Variants in PGAP4 observed in about 807,000 individuals in gnomAD.
PGAP4 encodes the protein GPI-N-acetylgalactosamine transferase PGAP4.
A neutral mutation model predicts 28.2 loss-of-function variants in PGAP4; 12 were observed. The ratio of observed to expected loss-of-function variants is 0.42; its 90% CI spans 0.27 to 0.69. PGAP4 has a LOEUF of 0.69. Ranked by LOEUF, PGAP4 falls within the 30% of genes least tolerant of loss-of-function variation. PGAP4 has a pLI of 0.22. For synonymous variants in PGAP4, 205 were observed against 211.8 expected (o/e 0.97, Z 0.28); for missense variants, 425 against 513.5 (o/e 0.83, Z 1.67).
chr9:101,491,936 G>A (rs1387509749), upstream of PGAP4, among the ~76,000 whole-genome samples: 1 of 149,694 alleles, frequency 6.7e-6, no homozygotes, highest in African/African-American at 2.5e-5. Context: ...AAAAGATGAT[G>A]CATTCTGCAA....
At position 101,476,273 on chromosome 9, in the gene PGAP4, GCCC is replaced by G. The variant is rs759069394; in HGVS notation, c.817_819del (p.Gly273del). 6.2e-7 allele frequency: 1 copy of G among 1,613,980 alleles called. No individual in the cohort carries two copies. The highest frequency in any genetic ancestry group is 1.3e-5 in the African/African-American group (1 of 74,900). ...CTCATGTATATCCAGGTTAGTAAGG[GCCC>G]CAGCAACATGCCTACACCAACCCAT... On this transcript the variant is annotated inframe_deletion, in exon 2 of 2. Transcript: ENST00000374848. The surrounding 1 kb of genome is among the most constrained non-coding windows in gnomAD (Gnocchi z 7.0).
At chr9:101,521,493 G>A (rs967798277) in intron 2 of PGAP4, among the ~76,000 whole-genome samples, 2 of 152,044 alleles carry the variant, frequency 1.3e-5, no homozygotes, top group Non-Finnish European at 2.9e-5. Flanking sequence ...TCCAGTTTAT[G>A]TGCATAAAGG....
At chr9:101,497,598 A>T (rs1826762754) in intron 2 of PGAP4, among the ~76,000 whole-genome samples, 1 of 151,692 alleles carries the variant, frequency 6.6e-6, no homozygotes, top group Non-Finnish European at 1.5e-5. Flanking sequence ...TATAAGAAAA[A>T]ATATAAAGTT....
intron 2 of PGAP4, among the ~76,000 whole-genome samples, chr9:101,493,689 T>C (rs1826711589): frequency 6.6e-6 from 1 of 152,188 alleles, no homozygotes; most frequent in Non-Finnish European, 1.5e-5. Context: ...GTTTACAGCA[T>C]GAAAACATTA....
upstream of PGAP4, among the ~76,000 whole-genome samples, chr9:101,491,918 T>A (rs1163847975): frequency 6.7e-6 from 1 of 149,614 alleles, no homozygotes; most frequent in Non-Finnish European, 1.5e-5. Context: ...ATATTTCATA[T>A]GCACTTAAAA....
At chr9:101,482,468 C>G (rs138028079) in intron 1 of PGAP4, among the ~76,000 whole-genome samples, 57 of 152,264 alleles carry the variant, frequency 3.7e-4, no homozygotes, top group African/African-American at 1.3e-3. Flanking sequence ...CTATGATAGC[C>G]CTTTGTCAGG....
At chr9:101,524,870 G>C (rs974173023) in intron 2 of PGAP4, among the ~76,000 whole-genome samples, 1 of 152,176 alleles carries the variant, frequency 6.6e-6, no homozygotes, top group Non-Finnish European at 1.5e-5. Context: ...GAGGGTCTGT[G>C]GGTCCTCTCG....
At chr9:101,522,013 G>T (rs1358279006) in intron 2 of PGAP4, among the ~76,000 whole-genome samples, 2 of 152,028 alleles carry the variant, frequency 1.3e-5, no homozygotes, top group Non-Finnish European at 2.9e-5. Context: ...CCATGTATTT[G>T]CATTGTTTCA....
intron 2 of PGAP4, among the ~76,000 whole-genome samples, chr9:101,510,220 G>T (rs896109265): frequency 6.6e-6 from 1 of 152,078 alleles, no homozygotes; most frequent in Non-Finnish European, 1.5e-5. Flanking sequence ...CTGTCCTAAA[G>T]ATCATGATAT....
rs779898081 is a variant in PGAP4, at chr9:101,476,243, C to T, written c.850G>A (p.Ala284Thr). Residue 284 changes from alanine (A) to threonine (T), a missense_variant, in exon 2 of 2, where the codon GCC (alanine) becomes ACC (threonine). Transcript: ENST00000374848. The surrounding 1 kb of genome is among the most constrained non-coding windows in gnomAD (Gnocchi z 7.0). ...GGCCAGCTAAACCCTGGGCGGCTGG[C>T]AAACCTCATGTATATCCAGGTTAGT... ...PLLTWIYMRF[A>T]SRPGFSWPVM... 1 of 1,614,120 alleles carries T rather than the reference C, an allele frequency of 6.2e-7. No homozygotes were observed. The highest frequency in any genetic ancestry group is 8.5e-7 in the Non-Finnish European group (1 of 1,180,008).
At chr9:101,506,963 C>T (rs1366197384) in intron 2 of PGAP4, among the ~76,000 whole-genome samples, 1 of 152,112 alleles carries the variant, frequency 6.6e-6, no homozygotes, top group African/African-American at 2.4e-5. Context: ...TGGTTCCAAA[C>T]CCTACTCTTT....
intron 2 of PGAP4, among the ~76,000 whole-genome samples, chr9:101,523,997 T>C (rs1376352728): frequency 6.6e-6 from 1 of 151,916 alleles, no homozygotes; most frequent in African/African-American, 2.4e-5. Context: ...GCAGTGATTG[T>C]TATCTCTCTT....
intron 2 of PGAP4, among the ~76,000 whole-genome samples, chr9:101,511,679 G>T (rs1287853311): frequency 6.6e-6 from 1 of 152,082 alleles, no homozygotes; most frequent in Non-Finnish European, 1.5e-5. Flanking sequence ...TTATAAAATT[G>T]CAAACATTAT....
intron 1 of PGAP4, among the ~76,000 whole-genome samples, chr9:101,532,298 A>C (rs757137043): frequency 7.3e-4 from 111 of 151,892 alleles, no homozygotes; most frequent in Non-Finnish European, 1.3e-3. Context: ...AAAAAAGAAG[A>C]AGCCACTACT....
At chr9:101,480,515 T>C (rs1029415022) in intron 1 of PGAP4, among the ~76,000 whole-genome samples, 7 of 152,080 alleles carry the variant, frequency 4.6e-5, no homozygotes, top group South Asian at 4.1e-4. Context: ...ACAAATCACA[T>C]AATAACTCAA....
At chr9:101,532,610 AAAG>A (rs1827110370) in intron 1 of PGAP4, 1 of 152,228 alleles carries the variant, frequency 6.6e-6, no homozygotes, top group African/African-American at 2.4e-5. Context: ...TAGAGGAACC[AAAG>A]AAGATGAGAG....
In PGAP4 at chr9:101,475,902, G is replaced by A. The variant is rs780927050; in HGVS notation, c.1191C>T (p.Asn397=). 1 of 1,614,170 alleles carries A rather than the reference G, an allele frequency of 6.2e-7. No homozygotes were observed. Among genetic ancestry groups the A allele is most frequent in the South Asian group, 1.1e-5 (1 of 91,088 alleles). The change falls in exon 2 of 2, where the codon AAC becomes AAT. Residue 397 remains asparagine (N), a synonymous_variant. Transcript: ENST00000374848. Reference sequence around the variant, plus strand: ...CACCCTAGAGGAGACTGGGATGAAAGTTGTACCGGAGACTGGAGAAGAGCC... The same window carrying A: ...CACCCTAGAGGAGACTGGGATGAAAATTGTACCGGAGACTGGAGAAGAGCC... ...HIGLFSSLRY[N]FHPSLL
intron 1 of PGAP4, among the ~76,000 whole-genome samples, chr9:101,484,381 G>C (rs528779346): frequency 6.6e-6 from 1 of 152,166 alleles, no homozygotes; most frequent in Non-Finnish European, 1.5e-5. Context: ...AAAAGGGTAT[G>C]CTGTGGAAAT....
At chr9:101,500,664 CTT>C (rs1048514930) in intron 2 of PGAP4, among the ~76,000 whole-genome samples, 1 of 151,642 alleles carries the variant, frequency 6.6e-6, no homozygotes, top group African/African-American at 2.4e-5. Context: ...ATTGTGAGTC[CTT>C]TTGAAAAGAA....
Sources: allele counts gnomAD v4.1 joint callset (sites outside exome capture counted in the v4.1 genomes callset), GRCh38; gene constraint gnomAD v4.1.1; non-coding constraint Gnocchi (gnomAD v3.1); transcripts MANE v1.5; gene names NCBI Gene and HGNC (gene_info 2026-07-23, HGNC 2026-07-21).